Variants in DNAH3 observed in about 807,000 individuals in gnomAD.
The protein encoded by DNAH3 is dynein axonemal heavy chain 3.
DNAH3 carries 332 observed loss-of-function variants against 432.5 expected under a neutral mutation model. The observed-to-expected ratio is 0.77, with a 90% CI of 0.70 to 0.84. The LOEUF (loss-of-function observed/expected upper bound fraction) is 0.84, where lower values mean the gene tolerates loss of function less well. Ranked by LOEUF, DNAH3 falls within the 40% of genes least tolerant of loss-of-function variation. The probability of loss-of-function intolerance (pLI) is 0.00; values close to 1 mark genes in which losing one functional copy is unlikely to be tolerated. For synonymous variants in DNAH3, 1,956 were observed against 1,900.2 expected, an observed-to-expected ratio of 1.03 and a Z score of -0.76; for missense variants, 4,861 against 5,114.0, an observed-to-expected ratio of 0.95 and a Z score of 1.51.
At chr16:21,048,005 G>C (rs2089783647) in intron 31 of DNAH3, among the ~76,000 whole-genome samples, 1 of 152,130 alleles carries the variant, frequency 6.6e-6, no homozygotes, top group Non-Finnish European at 1.5e-5. Context: ...AGGGGTCAGG[G>C]ACCCACTTGA....
chr16:20,950,954 C>A (rs1354640648), intron 56 of DNAH3, among the ~76,000 whole-genome samples: 1 of 151,988 alleles, frequency 6.6e-6, no homozygotes, highest in Non-Finnish European at 1.5e-5. Flanking sequence ...TCCTGATTAC[C>A]TGGGGCTACA....
At position 20,966,389 on chromosome 16, in the gene DNAH3, G is replaced by GC. The variant is rs1375685986; in HGVS notation, c.8459-965dup. On this transcript the variant is annotated intron_variant, in intron 52 of 61. Transcript: ENST00000261383. ...TATAGAGATGAGGTTTCGCCATGTT[G>GC]CCCAGGCTGGAGGCCTCGTTTTAAA... Among the ~76,000 whole-genome samples the GC allele has an allele frequency of 2.0e-5, 3 of 152,010 alleles. No individual in the cohort carries two copies. The East Asian group carries it at 5.8e-4, about 29-fold the overall frequency.
At chr16:21,083,706 T>TC (rs61200563) in intron 19 of DNAH3, among the ~76,000 whole-genome samples, 39,189 of 151,972 alleles carry the variant, frequency 0.26, 5,151 homozygotes, top group South Asian at 0.33. Flanking sequence ...ATCCTTCAGA[T>TC]CCCCCTGCCA....
exon 34 of DNAH3, chr16:21,037,924 T>C (rs765343367): frequency 7.4e-6 from 12 of 1,614,170 alleles, no homozygotes; most frequent in Non-Finnish European, 1.0e-5. Flanking sequence ...ATAGTGATGC[T>C]GAGAGGACAG....
chr16:21,079,728 A>C (rs1343735786), intron 20 of DNAH3, among the ~76,000 whole-genome samples: 1 of 152,222 alleles, frequency 6.6e-6, no homozygotes, highest in Non-Finnish European at 1.5e-5. Flanking sequence ...TGTCTCTTGG[A>C]AACATCTTAC....
At chr16:21,022,145 G>A (rs767652865) in intron 39 of DNAH3, 45 bp from the exon 40 acceptor site, 2 of 1,607,350 alleles carry the variant, frequency 1.2e-6, no homozygotes, top group South Asian at 1.1e-5. Context: ...TGATCAACAA[G>A]TGAGTTGACG....
chr16:21,000,833 A>G (rs1015336417), intron 42 of DNAH3, among the ~76,000 whole-genome samples: 2 of 152,220 alleles, frequency 1.3e-5, no homozygotes, highest in Admixed American at 6.5e-5. Context: ...CACAGCAAGT[A>G]AGTGAAAATG....
At chr16:21,019,776 A>C (rs1379402449) in exon 41 of DNAH3, 3 of 1,614,148 alleles carry the variant, frequency 1.9e-6, no homozygotes, top group Non-Finnish European at 2.5e-6. Context: ...CACCAAGGAA[A>C]AGAGAAACAG....
chr16:20,972,325 G>C (rs574336307), intron 51 of DNAH3, among the ~76,000 whole-genome samples: 8 of 151,520 alleles, frequency 5.3e-5, no homozygotes, highest in Non-Finnish European at 1.0e-4. Flanking sequence ...CTCCTGGAAT[G>C]AAGTGATCCT....
chr16:21,019,559 G>A, intron 41 of DNAH3, 65 bp downstream of exon 41: 1 of 1,576,920 alleles, frequency 6.3e-7, no homozygotes, highest in African/African-American at 1.4e-5. Flanking sequence ...TGCACATTCT[G>A]GTTGTGTTTA....
chr16:21,076,666 T>A (rs1332610977), intron 20 of DNAH3, among the ~76,000 whole-genome samples: 1 of 152,140 alleles, frequency 6.6e-6, no homozygotes, highest in East Asian at 1.9e-4. Flanking sequence ...GGAAGTTCCC[T>A]CTGCTTGAAC....
intron 41 of DNAH3, among the ~76,000 whole-genome samples, chr16:21,006,258 T>A (rs547601602): frequency 2.0e-5 from 3 of 152,322 alleles, no homozygotes. Context: ...ATGGCATTAT[T>A]TTATTCCCAA....
Position 21,141,432 on chromosome 16 carries a change from C to T in DNAH3, c.449-60G>A, listed in dbSNP as rs552253839. ...GCAATGGCCTTGGGCCATTCTCCGT[C>T]CACAGGGGCATGACTCTCGGAACAG... On this transcript the variant is annotated intron_variant, in intron 3 of 61. Coordinates refer to ENST00000261383, the Ensembl canonical transcript of DNAH3. 12 of 1,254,914 alleles carry T rather than the reference C, an allele frequency of 9.6e-6. No homozygotes were observed. In the African/African-American group the frequency reaches 1.8e-4, roughly 19 times the overall value. The allele number at this position is 1,254,914 out of a possible 1,614,324, so 77.7% of individuals were successfully genotyped here. A position where few individuals can be genotyped will look rare whatever the true frequency, so the allele number is the denominator to read the frequency against.
intron 52 of DNAH3, among the ~76,000 whole-genome samples, chr16:20,966,564 A>G (rs1361927879): frequency 6.6e-6 from 1 of 152,062 alleles, no homozygotes; most frequent in Non-Finnish European, 1.5e-5. Flanking sequence ...ATTATTATCT[A>G]CCATCTACCT....
At chr16:21,069,623 C>A (rs754099787) in intron 22 of DNAH3, 29 bp from the exon 23 acceptor site, 2 of 1,579,552 alleles carry the variant, frequency 1.3e-6, no homozygotes, top group South Asian at 1.1e-5. Flanking sequence ...ATATCTGGAT[C>A]ATTAACCTGC....
chr16:20,963,126 G>A (rs1447009987), intron 53 of DNAH3, among the ~76,000 whole-genome samples, 158 bp downstream of exon 53: 1 of 152,128 alleles, frequency 6.6e-6, no homozygotes. Flanking sequence ...ACCTCTATAG[G>A]CAGAAAAGGA....
intron 25 of DNAH3, among the ~76,000 whole-genome samples, chr16:21,061,820 C>T (rs942784232): frequency 6.6e-6 from 1 of 152,154 alleles, no homozygotes; most frequent in African/African-American, 2.4e-5. Context: ...AAATATGCCC[C>T]AAATTATTCA....
chr16:21,080,924 T>G (rs1478677349), intron 20 of DNAH3, among the ~76,000 whole-genome samples: 1 of 152,120 alleles, frequency 6.6e-6, no homozygotes, highest in Admixed American at 6.6e-5. Flanking sequence ...TTTTTTTTCT[T>G]TTTTTTAAAT....
intron 23 of DNAH3, 27 bp from the exon 24 acceptor site, chr16:21,067,446 T>G (rs1162088567): frequency 6.2e-7 from 1 of 1,612,520 alleles, no homozygotes; most frequent in Admixed American, 1.7e-5. Context: ...AAAGTGAGAC[T>G]CATCATAAGG....
Sources: gnomAD v4.1 joint callset for allele counts (sites outside exome capture counted in the v4.1 genomes callset) on GRCh38, gnomAD v4.1.1 for gene constraint, MANE v1.5 for transcripts, NCBI Gene and HGNC (gene_info 2026-07-23, HGNC 2026-07-21) for gene names.